The following AGXT2 variants were observed in gnomAD, a reference collection of about 807,000 sequenced individuals.
AGXT2 encodes the protein alanine--glyoxylate aminotransferase 2, mitochondrial.
In AGXT2, 61 loss-of-function variants were observed where a neutral mutation model predicts 62.5. That is an observed-to-expected ratio of 0.98 (90% confidence interval 0.79 to 1.21). The LOEUF (loss-of-function observed/expected upper bound fraction) is 1.21. Among genes scored for constraint, AGXT2 ranks in the 50% most tolerant of loss-of-function variants. The probability of loss-of-function intolerance (pLI) is 0.00; values close to 1 mark genes in which losing one functional copy is unlikely to be tolerated. For synonymous variants in AGXT2, 243 were observed against 218.7 expected (o/e 1.11, Z -0.98); for missense variants, 666 against 641.5 (o/e 1.04, Z -0.41).
intron 12 of AGXT2, among the ~76,000 whole-genome samples, chr5:35,007,980 GT>G (rs1409072975): frequency 6.6e-6 from 1 of 152,016 alleles, no homozygotes; most frequent in Non-Finnish European, 1.5e-5. Flanking sequence ...TCCCTCATCA[GT>G]GACCTCTGCA....
chr5:35,018,328 G>A (rs1203360942), intron 9 of AGXT2, among the ~76,000 whole-genome samples: 2 of 152,112 alleles, frequency 1.3e-5, no homozygotes, highest in African/African-American at 4.8e-5. Context: ...AGAGAGAAAG[G>A]TCAGGTTACC....
At position 35,036,934 on chromosome 5, in the gene AGXT2, C is replaced by T; in HGVS notation, c.486+8G>A. On this transcript the variant is annotated splice_region_variant and intron_variant, in intron 4 of 13. Coordinates refer to ENST00000231420, the MANE Select transcript of AGXT2 (RefSeq NM_031900.4). ...TAACATTCACCTCCTGCAGGAAGAG[C>T]ATTGTACCTTAAGAGGCTCAGGAAG... The T allele has an allele frequency of 6.2e-7, 1 of 1,613,814 alleles. No homozygotes were observed. Among genetic ancestry groups the T allele is most frequent in the Non-Finnish European group, 8.5e-7 (1 of 1,179,938 alleles).
intron 7 of AGXT2, among the ~76,000 whole-genome samples, chr5:35,031,317 G>A (rs115410924): frequency 0.012 from 1,880 of 152,228 alleles, 10 homozygotes; most frequent in South Asian, 0.036. Flanking sequence ...TTCCATGAGC[G>A]TGACATCTTG....
intron 12 of AGXT2, among the ~76,000 whole-genome samples, chr5:35,004,538 C>G (rs1766351760): frequency 1.3e-5 from 2 of 152,230 alleles, no homozygotes; most frequent in African/African-American, 4.8e-5. Flanking sequence ...TGTGCGTCCC[C>G]TGTCTTCCCA....
chr5:35,046,946 A>G (rs946883097), intron 1 of AGXT2, among the ~76,000 whole-genome samples: 2 of 152,150 alleles, frequency 1.3e-5, no homozygotes, highest in Admixed American at 6.5e-5. Context: ...TAAAGCCACC[A>G]ATGTCTGGTT....
At chr5:35,036,623 G>C (rs962003781) in intron 4 of AGXT2, among the ~76,000 whole-genome samples, 1 of 152,184 alleles carries the variant, frequency 6.6e-6, no homozygotes, top group Non-Finnish European at 1.5e-5. Context: ...AGAGGCCTAC[G>C]GCTCCTGGGA....
chr5:35,013,350 G>T (rs1766714557), intron 10 of AGXT2, among the ~76,000 whole-genome samples: 1 of 152,176 alleles, frequency 6.6e-6, no homozygotes, highest in African/African-American at 2.4e-5. Flanking sequence ...ATAAGAAGAG[G>T]AAGAGACACC....
intron 1 of AGXT2, among the ~76,000 whole-genome samples, chr5:35,047,440 C>T (rs10223177): frequency 0.062 from 9,450 of 151,896 alleles, 538 homozygotes; most frequent in African/African-American, 0.15. Flanking sequence ...GAGACCCTGT[C>T]TCAAAAAAGA....
intron 6 of AGXT2, 53 bp from the exon 7 acceptor site, chr5:35,032,878 G>A: frequency 6.8e-7 from 1 of 1,462,620 alleles, no homozygotes; most frequent in Non-Finnish European, 9.4e-7. Context: ...AGACAGCCAA[G>A]TTAGGGTAGC....
At chr5:35,031,832 A>AT (rs1415776940) in intron 7 of AGXT2, among the ~76,000 whole-genome samples, 1 of 129,222 alleles carries the variant, frequency 7.7e-6, no homozygotes, top group Non-Finnish European at 1.6e-5. Flanking sequence ...CAAAAGCATT[A>AT]TTTTCCCTCT....
chr5:35,042,976 A>C (rs1768044504), intron 1 of AGXT2, among the ~76,000 whole-genome samples: 3 of 152,210 alleles, frequency 2.0e-5, no homozygotes, highest in Admixed American at 1.3e-4. Context: ...GAGCAACTTG[A>C]GACATTGAAA....
At chr5:35,019,867 G>A (rs370258373) in intron 9 of AGXT2, among the ~76,000 whole-genome samples, 2 of 152,110 alleles carry the variant, frequency 1.3e-5, no homozygotes, top group South Asian at 4.1e-4. Context: ...TCAAATAGAT[G>A]CAATAAAAAA....
rs948604497 is a variant in AGXT2 at position 34,998,630 on chromosome 5, A to T, written c.*89T>A. ...GTGGAGAGCTGCAGGCTTTCTCTGGATACCAGTGGTTCTGAAATTCTTCAA... is the reference window on the plus strand; with the variant it reads ...GTGGAGAGCTGCAGGCTTTCTCTGGTTACCAGTGGTTCTGAAATTCTTCAA... On this transcript the variant is annotated 3_prime_UTR_variant, in exon 14 of 14. Transcript: ENST00000231420. The T allele has an allele frequency of 8.6e-6, 9 of 1,040,984 alleles. No homozygotes were observed. Among genetic ancestry groups the T allele is most frequent in the Admixed American group, 1.8e-5 (1 of 54,088 alleles). 64.5% of individuals were successfully genotyped at this position (1,040,984 alleles called of 1,614,324 possible). A position where few individuals can be genotyped will look rare whatever the true frequency, so the allele number is the denominator to read the frequency against.
In AGXT2 at chr5:35,035,319, G is replaced by A. The variant is rs1767722004; in HGVS notation, c.487-3C>T. 6.2e-7 allele frequency: 1 copy of A among 1,612,718 alleles called. No individual in the cohort carries two copies. Among genetic ancestry groups the A allele is most frequent in the Non-Finnish European group, 8.5e-7 (1 of 1,179,192 alleles). ...CCACTGTTCACCAAGAAAATGACCT[G>A]GAGAGGAAAGGAAGACACGTGGCCT... On this transcript the variant is annotated splice_polypyrimidine_tract_variant and splice_region_variant and intron_variant, in intron 4 of 13. Coordinates refer to ENST00000231420, the MANE Select transcript of AGXT2 (RefSeq NM_031900.4).
At chr5:35,033,641 T>C (rs1163730170) in intron 5 of AGXT2, 88 bp from the exon 6 acceptor site, 2 of 1,017,808 alleles carry the variant, frequency 2.0e-6, no homozygotes, top group Non-Finnish European at 3.1e-6. Flanking sequence ...GCTATGAAGA[T>C]GAAATAGAAC....
intron 2 of AGXT2, 24 bp downstream of exon 2, chr5:35,040,551 T>A: frequency 6.2e-7 from 1 of 1,604,106 alleles, no homozygotes; most frequent in South Asian, 1.1e-5. Flanking sequence ...CCTCTTTGAG[T>A]TTTCTTAAAG....
chr5:35,036,839 G>T, intron 4 of AGXT2, 103 bp downstream of exon 4: 11 of 1,567,890 alleles, frequency 7.0e-6, no homozygotes, highest in Non-Finnish European at 9.6e-6. Flanking sequence ...GCTTCCTAGG[G>T]ACGCTCCCCT....
intron 8 of AGXT2, chr5:35,026,195 C>T (rs1049346992): frequency 5.1e-5 from 31 of 609,782 alleles, no homozygotes; most frequent in Middle Eastern, 4.3e-4. Context: ...TTTAGGAGTT[C>T]GGTAGTTTCA....
chr5:35,044,557 A>T (rs1561237730), intron 1 of AGXT2, among the ~76,000 whole-genome samples: 3 of 151,956 alleles, frequency 2.0e-5, no homozygotes, highest in Non-Finnish European at 2.9e-5. Context: ...ACCAGAAGTT[A>T]CTCTACTCCT....
Sources: allele counts gnomAD v4.1 joint callset (sites outside exome capture counted in the v4.1 genomes callset), GRCh38; gene constraint gnomAD v4.1.1; transcripts MANE v1.5; gene names NCBI Gene and HGNC (gene_info 2026-07-23, HGNC 2026-07-21).